GPC5: variants seen among roughly 807,000 people sequenced by gnomAD.
The protein encoded by GPC5 is glypican 5.
GPC5 carries 47 observed loss-of-function variants against 53.9 expected under a neutral mutation model. The observed-to-expected ratio is 0.87, with a 90% CI of 0.69 to 1.11. The LOEUF is 1.11. GPC5 is among the 50% of genes most tolerant of loss of function. The pLI is 0.00. For synonymous variants in GPC5, 286 were observed against 263.3 expected, an observed-to-expected ratio of 1.09 and a Z score of -0.84; for missense variants, 748 against 713.1, an observed-to-expected ratio of 1.05 and a Z score of -0.56.
At chr13:91,489,325 C>T (rs1883798602) in intron 2 of GPC5, among the ~76,000 whole-genome samples, 1 of 152,128 alleles carries the variant, frequency 6.6e-6, no homozygotes, top group South Asian at 2.1e-4. Flanking sequence ...TGATGTCTCC[C>T]CCGGACACCC....
chr13:91,812,893 T>C (rs1406129417), intron 5 of GPC5, among the ~76,000 whole-genome samples: 3 of 152,208 alleles, frequency 2.0e-5, no homozygotes, highest in African/African-American at 7.2e-5. Flanking sequence ...CAAGAGTCTA[T>C]TGGTAAAAAT....
At chr13:92,679,908 C>T (rs562722789) in intron 7 of GPC5, among the ~76,000 whole-genome samples, 1 of 132,828 alleles carries the variant, frequency 7.5e-6, no homozygotes, top group East Asian at 2.6e-4. Context: ...ACCCCCTTCT[C>T]TTTCAAGAGC....
At chr13:92,808,074 G>A (rs548752263) in intron 7 of GPC5, among the ~76,000 whole-genome samples, 23 of 152,020 alleles carry the variant, frequency 1.5e-4, no homozygotes, top group Non-Finnish European at 3.4e-4. Flanking sequence ...AGGGTCACAG[G>A]AAGAAGTCTA....
At chr13:92,542,347 C>T (rs1249528052) in intron 7 of GPC5, among the ~76,000 whole-genome samples, 1 of 151,936 alleles carries the variant, frequency 6.6e-6, no homozygotes, top group Admixed American at 6.6e-5. Context: ...GAATCCCCAC[C>T]TATCTTTCCC....
intron 7 of GPC5, among the ~76,000 whole-genome samples, chr13:92,505,187 G>A (rs1347424161): frequency 1.3e-5 from 2 of 151,680 alleles, no homozygotes; most frequent in African/African-American, 4.8e-5. Flanking sequence ...TAATTTTAAA[G>A]AGCATAGAAA....
chr13:92,693,725 G>A (rs2139237904), intron 7 of GPC5, among the ~76,000 whole-genome samples: 1 of 152,104 alleles, frequency 6.6e-6, no homozygotes, highest in East Asian at 2.0e-4. Flanking sequence ...ATAAAAGTTT[G>A]GAAAATTTAC....
chr13:91,912,378 G>C (rs1031640344), intron 6 of GPC5, among the ~76,000 whole-genome samples: 1 of 151,942 alleles, frequency 6.6e-6, no homozygotes, highest in Non-Finnish European at 1.5e-5. Context: ...AAAGAATAAT[G>C]AATGCTCATC....
chr13:92,738,440 C>G (rs1266930938), intron 7 of GPC5, among the ~76,000 whole-genome samples: 1 of 151,842 alleles, frequency 6.6e-6, no homozygotes, highest in Non-Finnish European at 1.5e-5. Flanking sequence ...GTAATATTTT[C>G]TTTGACTTCA....
At chr13:92,807,131 CTG>C (rs1877126197) in intron 7 of GPC5, among the ~76,000 whole-genome samples, 1 of 151,036 alleles carries the variant, frequency 6.6e-6, no homozygotes, top group African/African-American at 2.4e-5. Context: ...AGCATAATAT[CTG>C]AAATTTACCA....
chr13:92,324,943 G>GA (rs759607782), intron 7 of GPC5, among the ~76,000 whole-genome samples: 3 of 151,732 alleles, frequency 2.0e-5, no homozygotes, highest in Non-Finnish European at 4.4e-5. Context: ...AAACAAATCT[G>GA]AAAAAATTAT....
intron 2 of GPC5, among the ~76,000 whole-genome samples, chr13:91,526,526 C>T (rs1296724067): frequency 6.6e-6 from 1 of 152,078 alleles, no homozygotes; most frequent in Non-Finnish European, 1.5e-5. Flanking sequence ...ATATTTTGAG[C>T]CTAGAACTTA....
chr13:92,342,270 T>A (rs756077281), intron 7 of GPC5, among the ~76,000 whole-genome samples: 2 of 152,148 alleles, frequency 1.3e-5, no homozygotes, highest in Non-Finnish European at 2.9e-5. Context: ...AACAAAGCAC[T>A]GTTTCTCCCC....
chr13:92,630,405 A>T (rs980968740), intron 7 of GPC5, among the ~76,000 whole-genome samples: 1 of 152,164 alleles, frequency 6.6e-6, no homozygotes, highest in Non-Finnish European at 1.5e-5. Flanking sequence ...AACTATTCTT[A>T]TTAGCACATT....
chr13:91,990,826 T>C (rs1038968588), intron 6 of GPC5, among the ~76,000 whole-genome samples: 5 of 152,138 alleles, frequency 3.3e-5, no homozygotes, highest in African/African-American at 1.2e-4. Context: ...AATAAAAGAA[T>C]AGACATAGAT....
intron 6 of GPC5, among the ~76,000 whole-genome samples, chr13:91,993,608 G>A (rs2040477035): frequency 1.3e-5 from 2 of 152,110 alleles, no homozygotes; most frequent in Non-Finnish European, 2.9e-5. Context: ...GTGTCTGTGT[G>A]TGTGCACGCA....
intron 3 of GPC5, among the ~76,000 whole-genome samples, chr13:91,718,695 C>A (rs752983208): frequency 2.0e-5 from 3 of 152,160 alleles, no homozygotes; most frequent in Admixed American, 6.5e-5. Context: ...GAATTCTACC[C>A]CCATCTGCAT....
At chr13:91,551,340 T>C (rs1414080222) in intron 2 of GPC5, among the ~76,000 whole-genome samples, 1 of 152,126 alleles carries the variant, frequency 6.6e-6, no homozygotes. Context: ...TCCATTTTAT[T>C]TTATCTGAAC....
At chr13:92,531,462 T>C (rs1881560677) in intron 7 of GPC5, among the ~76,000 whole-genome samples, 1 of 151,902 alleles carries the variant, frequency 6.6e-6, no homozygotes, top group Non-Finnish European at 1.5e-5. Context: ...TAAATATACA[T>C]ATTTCTGTAT....
At chr13:92,455,342 A>G (rs1179743349) in intron 7 of GPC5, among the ~76,000 whole-genome samples, 1 of 152,212 alleles carries the variant, frequency 6.6e-6, no homozygotes, top group Non-Finnish European at 1.5e-5. Flanking sequence ...GAAAAAATGA[A>G]TTTCCCCTAA....
Sources: allele counts gnomAD v4.1 joint callset (sites outside exome capture counted in the v4.1 genomes callset), GRCh38; gene constraint gnomAD v4.1.1; transcripts MANE v1.5; gene names NCBI Gene and HGNC (gene_info 2026-07-23, HGNC 2026-07-21).